The following PDE7B variants were observed in gnomAD, a reference collection of about 807,000 sequenced individuals.
PDE7B encodes phosphodiesterase 7B.
PDE7B carries 29 observed loss-of-function variants against 56.2 expected under a neutral mutation model. The observed-to-expected ratio is 0.52, with a 90% CI of 0.38 to 0.70. PDE7B has a LOEUF of 0.70. PDE7B is among the 30% of genes least tolerant of loss of function. The pLI is 0.00. For synonymous variants in PDE7B, 197 were observed against 196.9 expected (o/e 1.00, Z 0.00); for missense variants, 490 against 565.0 (o/e 0.87, Z 1.35).
intron 3 of PDE7B, among the ~76,000 whole-genome samples, chr6:136,144,743 G>A (rs539908630): frequency 7.2e-5 from 11 of 152,220 alleles, no homozygotes; most frequent in African/African-American, 2.4e-4. Context: ...GAGAGCACAG[G>A]CTGATTGTTT....
chr6:135,863,103 G>C (rs760631393), intron 1 of PDE7B, among the ~76,000 whole-genome samples: 3 of 151,878 alleles, frequency 2.0e-5, no homozygotes, highest in Non-Finnish European at 4.4e-5. Context: ...CGTATTACAT[G>C]TGCTTGAAGT....
At chr6:135,951,729 T>C (rs1774702165) in intron 2 of PDE7B, among the ~76,000 whole-genome samples, 1 of 152,068 alleles carries the variant, frequency 6.6e-6, no homozygotes, top group South Asian at 2.1e-4. Context: ...CAAGGTTTAA[T>C]TTTTTTAATT....
intron 3 of PDE7B, among the ~76,000 whole-genome samples, chr6:136,142,563 CCATT>C (rs1778345841): frequency 6.6e-6 from 1 of 152,008 alleles, no homozygotes; most frequent in Non-Finnish European, 1.5e-5. Flanking sequence ...TTAAAGTCTC[CCATT>C]ATTATTGTGT....
intron 1 of PDE7B, among the ~76,000 whole-genome samples, chr6:135,905,978 A>G (rs1025324160): frequency 6.6e-6 from 1 of 152,158 alleles, no homozygotes; most frequent in Admixed American, 6.5e-5. Context: ...CTTTGTTCAA[A>G]TTATAAAGAA....
rs183273215 is a variant in PDE7B at position 136,057,032 on chromosome 6, C to T, written c.83-51699C>T. ...TATCTTTACTAAAGTCTTTGGACCT[C>T]GGTTTTCTCATTTGTAAGATGGAAA... On this transcript the variant is annotated intron_variant, in intron 2 of 12. Coordinates refer to ENST00000308191, the MANE Select transcript of PDE7B (RefSeq NM_018945.4). Among the ~76,000 whole-genome samples, 3 of 152,192 alleles carry T rather than the reference C, an allele frequency of 2.0e-5. No individual in the cohort carries two copies. In the East Asian group the frequency reaches 5.8e-4, roughly 29 times the overall value.
chr6:136,067,342 T>C (rs994433515), intron 2 of PDE7B, among the ~76,000 whole-genome samples: 1 of 152,224 alleles, frequency 6.6e-6, no homozygotes, highest in Non-Finnish European at 1.5e-5. Flanking sequence ...TGAGACTTTA[T>C]TGAATTTATT....
intron 1 of PDE7B, among the ~76,000 whole-genome samples, chr6:135,852,320 TAAAG>T (rs1774957208): frequency 6.6e-6 from 1 of 151,888 alleles, no homozygotes; most frequent in East Asian, 1.9e-4. Flanking sequence ...AAAAAAAAAA[TAAAG>T]AATGCAATAT....
chr6:136,005,652 G>A (rs1775768792), intron 2 of PDE7B, among the ~76,000 whole-genome samples: 1 of 152,198 alleles, frequency 6.6e-6, no homozygotes, highest in Non-Finnish European at 1.5e-5. Flanking sequence ...AAACCACAAT[G>A]AGATACTGTC....
At chr6:135,948,417 T>C (rs919900804) in intron 2 of PDE7B, among the ~76,000 whole-genome samples, 1 of 152,018 alleles carries the variant, frequency 6.6e-6, no homozygotes, top group South Asian at 2.1e-4. Context: ...CATTTTAGCA[T>C]TTTCTATTTA....
rs114165903 is a variant in PDE7B, at chr6:136,090,947, A to G, written c.83-17784A>G. Reference sequence around the variant, plus strand: ...TTCACAGAGCCTCCCCTAACACACCAGAGCAATGCTAATCCATTCCCCTAG... The same window carrying G: ...TTCACAGAGCCTCCCCTAACACACCGGAGCAATGCTAATCCATTCCCCTAG... On this transcript the variant is annotated intron_variant, in intron 2 of 12. Transcript: ENST00000308191. 6.0e-3 allele frequency among the ~76,000 whole-genome samples: 913 copies of G among 152,326 alleles called. 6 individuals are homozygous for G. The highest frequency in any genetic ancestry group is 0.02 in the Middle Eastern group (6 of 294).
intron 2 of PDE7B, among the ~76,000 whole-genome samples, chr6:135,968,422 A>G (rs1775036199): frequency 6.6e-6 from 1 of 152,198 alleles, no homozygotes; most frequent in Non-Finnish European, 1.5e-5. Flanking sequence ...CAATTCTAAC[A>G]TCTAGAATCT....
At chr6:135,893,663 G>A (rs1016078660) in intron 1 of PDE7B, among the ~76,000 whole-genome samples, 4 of 152,100 alleles carry the variant, frequency 2.6e-5, no homozygotes, top group African/African-American at 7.2e-5. Flanking sequence ...CCATTACTGG[G>A]TATATACCCA....
At chr6:135,935,190 T>TTTTATATATATATATTTTTATA (rs1436649469) in intron 1 of PDE7B, among the ~76,000 whole-genome samples, 1 of 36,190 alleles carries the variant, frequency 2.8e-5, no homozygotes, top group Non-Finnish European at 4.6e-5. Context: ...ATATATTTAT[T>TTTTATATATATATATTTTTATA]TATATATATA....
chr6:135,878,610 T>A (rs1283858385), intron 1 of PDE7B, among the ~76,000 whole-genome samples: 1 of 152,222 alleles, frequency 6.6e-6, no homozygotes, highest in Non-Finnish European at 1.5e-5. Context: ...AAATTCCTAG[T>A]ACTAGATGGC....
At chr6:135,852,237 G>T (rs368824388) in intron 1 of PDE7B, among the ~76,000 whole-genome samples, 1 of 151,922 alleles carries the variant, frequency 6.6e-6, no homozygotes, top group Non-Finnish European at 1.5e-5. Context: ...GGGCAGCAGG[G>T]TTTCATTCCA....
At chr6:135,876,364 C>G (rs1775493164) in intron 1 of PDE7B, among the ~76,000 whole-genome samples, 1 of 152,170 alleles carries the variant, frequency 6.6e-6, no homozygotes, top group African/African-American at 2.4e-5. Flanking sequence ...GGCCACCACA[C>G]TTGTCTTTCA....
At chr6:136,150,946 G>T (rs1778502206) in intron 5 of PDE7B, among the ~76,000 whole-genome samples, 1 of 152,090 alleles carries the variant, frequency 6.6e-6, no homozygotes, top group East Asian at 1.9e-4. Flanking sequence ...TTGGTGAAGG[G>T]AGAAGGTCTG....
At chr6:136,069,983 G>A (rs563147860) in intron 2 of PDE7B, among the ~76,000 whole-genome samples, 111 of 152,132 alleles carry the variant, frequency 7.3e-4, no homozygotes, top group Middle Eastern at 3.4e-3. Context: ...AAAACTTTAA[G>A]TATATTAAAC....
chr6:136,155,138 A>G (rs1778583582), intron 7 of PDE7B, among the ~76,000 whole-genome samples: 1 of 152,198 alleles, frequency 6.6e-6, no homozygotes, highest in Non-Finnish European at 1.5e-5. Flanking sequence ...TATTTATTAC[A>G]CATTGAAAAA....
Sources: gnomAD v4.1 joint callset for allele counts (sites outside exome capture counted in the v4.1 genomes callset) on GRCh38, gnomAD v4.1.1 for gene constraint, MANE v1.5 for transcripts, NCBI Gene and HGNC (gene_info 2026-07-23, HGNC 2026-07-21) for gene names.